The following YLPM1 variants were observed in gnomAD, a reference collection of about 807,000 sequenced individuals.
The protein encoded by YLPM1 is YLP motif containing 1.
Under a neutral mutation model 230.0 loss-of-function variants are expected in YLPM1, and 99 were observed. The observed-to-expected ratio is 0.43, with a 90% CI of 0.37 to 0.51. The LOEUF (loss-of-function observed/expected upper bound fraction) is 0.51, where lower values mean the gene tolerates loss of function less well. Ranked by LOEUF, YLPM1 falls within the 20% of genes least tolerant of loss-of-function variation. YLPM1 has a pLI of 0.00. For missense variants in YLPM1, 2,592 were observed against 2,707.7 expected, an observed-to-expected ratio of 0.96 and a Z score of 0.95; for synonymous variants, 984 against 942.5, an observed-to-expected ratio of 1.04 and a Z score of -0.81.
chr14:74,811,355 C>T (rs955291967), intron 9 of YLPM1, among the ~76,000 whole-genome samples: 8 of 151,820 alleles, frequency 5.3e-5, no homozygotes, highest in South Asian at 2.1e-4. Flanking sequence ...TGGTTATGTG[C>T]ACCTGTAGTC....
chr14:74,810,932 T>G (rs1000179794), intron 9 of YLPM1, among the ~76,000 whole-genome samples: 1 of 152,098 alleles, frequency 6.6e-6, no homozygotes, highest in African/African-American at 2.4e-5. Context: ...CAAGTGATCC[T>G]CCCACCTCAG....
At chr14:74,829,126 G>A in intron 18 of YLPM1, 87 bp from the exon 19 acceptor site, 1 of 1,533,400 alleles carries the variant, frequency 6.5e-7, no homozygotes. Context: ...CCCTCTGAAA[G>A]CGTTCCAGCC....
chr14:74,795,804 C>T (rs1192105559), intron 4 of YLPM1, among the ~76,000 whole-genome samples: 3 of 152,190 alleles, frequency 2.0e-5, no homozygotes, highest in African/African-American at 7.2e-5. Flanking sequence ...ATTAATTTAT[C>T]TGTTATAATC....
rs756011335 is a variant in YLPM1, at chr14:74,781,861, C to G, written c.1818C>G (p.Pro606=). Residue 606 remains proline (P), a synonymous_variant, in exon 4 of 21, where the codon CCC becomes CCG. Coordinates refer to ENST00000325680, the MANE Select transcript of YLPM1 (RefSeq NM_019589.3). The part of the protein sequence containing the change: ...LSSAGPPPVL[P]PPSLSSTAPP... Reference sequence around the variant, plus strand: ...CTGCAGGGCCACCACCAGTTCTTCCCCCACCATCTCTCTCTTCAACAGCAC... The same window carrying G: ...CTGCAGGGCCACCACCAGTTCTTCCGCCACCATCTCTCTCTTCAACAGCAC... 2.3e-5 allele frequency: 37 copies of G among 1,612,982 alleles called. No homozygotes were observed. The African/African-American group carries it at 4.8e-4, about 21-fold the overall frequency.
intron 1 of YLPM1, among the ~76,000 whole-genome samples, chr14:74,769,851 ACCCCCCCC>A (rs113231747): frequency 5.2e-5 from 4 of 76,734 alleles, no homozygotes; most frequent in Non-Finnish European, 1.0e-4. Flanking sequence ...AAAGTGAGAC[ACCCCCCCC>A]CCCGCCCCCC....
Position 74,836,722 on chromosome 14 carries a change from C to T in YLPM1, c.*984C>T, listed in dbSNP as rs1340809693. 6 of 152,568 alleles carry T rather than the reference C, an allele frequency of 3.9e-5. No homozygotes were observed. The highest frequency in any genetic ancestry group is 1.4e-4 in the African/African-American group (6 of 41,440). The allele number at this position is 152,568 out of a possible 1,614,324, so 9.5% of individuals were successfully genotyped here. On this transcript the variant is annotated 3_prime_UTR_variant, in exon 21 of 21. Coordinates refer to ENST00000325680, the MANE Select transcript of YLPM1 (RefSeq NM_019589.3). The stretch of plus-strand genomic sequence containing the variant: ...GATGCAGAGCACTCTGGCATGTAAC[C>T]TTTAAGCCTGTCAGGTTTTCAAGTT...
chr14:74,830,321 G>A (rs2091598572), intron 19 of YLPM1, among the ~76,000 whole-genome samples: 1 of 152,130 alleles, frequency 6.6e-6, no homozygotes, highest in South Asian at 2.1e-4. Flanking sequence ...AATGAAGCTA[G>A]GATATTAGAT....
chr14:74,827,583 G>A (rs2091575241), intron 18 of YLPM1: 1 of 985,286 alleles, frequency 1.0e-6, no homozygotes, highest in African/African-American at 1.7e-5. Flanking sequence ...CTGCCCTTCT[G>A]TATTGCTGCC....
At chr14:74,821,457 C>T in intron 17 of YLPM1, 1 of 185,148 alleles carries the variant, frequency 5.4e-6, no homozygotes, top group Non-Finnish European at 1.1e-5. Context: ...TACATTCCAG[C>T]AGATATGTGG....
rs1268819241 is a variant in YLPM1 at position 74,763,626 on chromosome 14, C to A, written c.137C>A (p.Ser46Tyr). ...AGCTCGACGACTCCCGCGGCCCCCT[C>A]CTCCTCGGGCTTCATGAGCTTCCGC... ...YSSSTTPAAPSSSGFMSFREQ... is the reference protein window; with the variant it reads ...YSSSTTPAAPYSSGFMSFREQ... Residue 46 changes from serine to tyrosine, a missense_variant, in exon 1 of 21, where the codon TCC becomes TAC. By Grantham distance (144) the Ser-to-Tyr change is moderately radical. Around this residue, in one of 4 missense-constraint regions of YLPM1, gnomAD observed 1,862 missense variants for 1,819.8 expected, o/e 1.02. Transcript: ENST00000325680. The A allele has an allele frequency of 6.3e-7, 1 of 1,592,428 alleles. No homozygotes were observed. The highest frequency in any genetic ancestry group is 8.6e-7 in the Non-Finnish European group (1 of 1,168,772).
rs112139569 is a variant in YLPM1 at position 74,836,156 on chromosome 14, T to C, written c.*418T>C. The stretch of plus-strand genomic sequence containing the variant: ...TAGGATTAAAAACAATAAACTTTCA[T>C]GATAAAGCCGATGAGATTCATGGGC... On this transcript the variant is annotated 3_prime_UTR_variant, in exon 21 of 21. Transcript: ENST00000325680. 3.9e-3 allele frequency: 764 copies of C among 194,544 alleles called. 8 individuals carry two copies. The highest frequency in any genetic ancestry group is 0.016 in the African/African-American group (652 of 42,014). 12.1% of individuals were successfully genotyped at this position (194,544 alleles called of 1,614,324 possible).
chr14:74,768,318 C>T (rs1482430561), intron 1 of YLPM1, among the ~76,000 whole-genome samples: 1 of 152,128 alleles, frequency 6.6e-6, no homozygotes, highest in Non-Finnish European at 1.5e-5. Flanking sequence ...GGTGAAATCT[C>T]GGCTCACTGC....
At chr14:74,791,304 T>C (rs887574420) in intron 4 of YLPM1, among the ~76,000 whole-genome samples, 2 of 152,146 alleles carry the variant, frequency 1.3e-5, no homozygotes, top group Non-Finnish European at 2.9e-5. Context: ...GTGATAAATA[T>C]TTGCCATTTA....
chr14:74,810,111 T>C, intron 8 of YLPM1, 109 bp downstream of exon 8: 1 of 1,459,498 alleles, frequency 6.9e-7, no homozygotes, highest in Non-Finnish European at 9.2e-7. Flanking sequence ...AGCTAAAAGA[T>C]TCTTAGTTGA....
intron 4 of YLPM1, among the ~76,000 whole-genome samples, chr14:74,796,968 C>T (rs1269859716): frequency 2.4e-4 from 21 of 88,930 alleles, no homozygotes; most frequent in Admixed American, 6.2e-4. Context: ...TTTATAATTG[C>T]TTTTTTTTTT....
intron 19 of YLPM1, 64 bp from the exon 20 acceptor site, chr14:74,835,201 A>T (rs1456234824): frequency 3.5e-5 from 55 of 1,587,614 alleles, no homozygotes; most frequent in Non-Finnish European, 4.5e-5. Context: ...CTGTCCAGAG[A>T]GGGAGGGGGC....
intron 1 of YLPM1, among the ~76,000 whole-genome samples, chr14:74,766,895 T>G (rs972583570): frequency 2.0e-5 from 3 of 150,052 alleles, no homozygotes; most frequent in African/African-American, 7.3e-5. Context: ...TTTTTTTTTT[T>G]TTTTTTGAGA....
At chr14:74,816,342 A>G (rs2091478160) in intron 12 of YLPM1, 77 bp downstream of exon 12, 2 of 1,457,752 alleles carry the variant, frequency 1.4e-6, no homozygotes, top group Middle Eastern at 1.7e-4. Flanking sequence ...ATTAATAGCA[A>G]GCAACATAAT....
At chr14:74,779,312 A>G (rs781117394) in intron 2 of YLPM1, among the ~76,000 whole-genome samples, 1 of 152,230 alleles carries the variant, frequency 6.6e-6, no homozygotes, top group African/African-American at 2.4e-5. Flanking sequence ...TACCCAGGCT[A>G]TAATCCAGGT....
Sources: gnomAD v4.1 joint callset for allele counts (sites outside exome capture counted in the v4.1 genomes callset) on GRCh38, gnomAD v4.1.1 for gene constraint, gnomAD v4.1.1 regional missense constraint, MANE v1.5 for transcripts, NCBI Gene and HGNC (gene_info 2026-07-23, HGNC 2026-07-21) for gene names.